TASP1: variants seen among roughly 807,000 people sequenced by gnomAD.
TASP1 encodes the protein threonine aspartase 1.
Under a neutral mutation model 56.6 loss-of-function variants are expected in TASP1, and 16 were observed. That is an observed-to-expected ratio of 0.28 (90% confidence interval 0.19 to 0.43). The LOEUF is 0.43. Ranked by LOEUF, TASP1 falls within the 20% of genes least tolerant of loss-of-function variation. TASP1 has a pLI of 1.00. For missense variants in TASP1, 393 were observed against 511.6 expected (o/e 0.77, Z 2.24); for synonymous variants, 179 against 184.2 (o/e 0.97, Z 0.23).
chr20:13,575,668 G>C (rs972123381), intron 6 of TASP1, among the ~76,000 whole-genome samples: 1 of 152,046 alleles, frequency 6.6e-6, no homozygotes, highest in Admixed American at 6.6e-5. Flanking sequence ...GAAAAGAAAG[G>C]AACTTTCTCA....
At chr20:13,594,959 T>G (rs1283877547) in intron 4 of TASP1, among the ~76,000 whole-genome samples, 18 of 152,022 alleles carry the variant, frequency 1.2e-4, no homozygotes, top group Admixed American at 1.1e-3. Flanking sequence ...GGAAAAAATG[T>G]TAAGGGCAGC....
intron 8 of TASP1, among the ~76,000 whole-genome samples, chr20:13,552,609 T>G (rs2046016444): frequency 6.6e-6 from 1 of 151,954 alleles, no homozygotes; most frequent in African/African-American, 2.4e-5. Context: ...TGGCAAAAAT[T>G]TCACACTAAA....
intron 8 of TASP1, among the ~76,000 whole-genome samples, chr20:13,542,834 G>C (rs2045672178): frequency 6.6e-6 from 1 of 151,880 alleles, no homozygotes; most frequent in Admixed American, 6.6e-5. Flanking sequence ...GTAGTACTAA[G>C]AGGGAAATTT....
At chr20:13,464,065 T>C (rs1422512986) in intron 11 of TASP1, among the ~76,000 whole-genome samples, 1 of 152,194 alleles carries the variant, frequency 6.6e-6, no homozygotes, top group Non-Finnish European at 1.5e-5. Flanking sequence ...AATTGCAGCA[T>C]TATTCACAAC....
intron 11 of TASP1, among the ~76,000 whole-genome samples, chr20:13,472,459 G>A (rs1003437758): frequency 4.6e-5 from 7 of 150,936 alleles, no homozygotes; most frequent in African/African-American, 7.4e-5. Context: ...AAAAGCAATC[G>A]CAACAAAAGC....
chr20:13,559,038 T>A lies in TASP1; in HGVS notation c.645A>T (p.Gln215His), dbSNP rs770972601. The change falls in exon 8 of 14, where the codon CAA becomes CAT. Residue 215 changes from glutamine to histidine, a missense_variant. Physicochemically the swap from Gln to His is conservative, Grantham distance 24. Coordinates refer to ENST00000337743, the MANE Select transcript of TASP1 (RefSeq NM_017714.3). ...LAERVDTDFM[Q>H]LKKRRQSSEK... ...CACTTGATTGTCTTCTTTTCTTTAG[T>A]TGCATAAAATCTGTGTCCACCCTTT... is the stretch of plus-strand genomic sequence containing the variant. 106 of 1,596,202 alleles carry A rather than the reference T, an allele frequency of 6.6e-5. No individual in the cohort carries two copies. The East Asian group carries it at 2.3e-3, about 35-fold the overall frequency.
the TASP1 span, among the ~76,000 whole-genome samples, chr20:13,254,120 C>G: frequency 0.15 from 22,934 of 150,224 alleles, 1,795 homozygotes; most frequent in East Asian, 0.24. Flanking sequence ...GTAATCCCAG[C>G]TACTTGGGAG....
chr20:13,598,164 C>A (rs1189781526), intron 4 of TASP1, among the ~76,000 whole-genome samples: 1 of 152,068 alleles, frequency 6.6e-6, no homozygotes, highest in Non-Finnish European at 1.5e-5. Flanking sequence ...ACTTTCTTTA[C>A]AGAATTGGAA....
At chr20:13,417,740 T>C (rs941322304) in intron 12 of TASP1, among the ~76,000 whole-genome samples, 1 of 152,240 alleles carries the variant, frequency 6.6e-6, no homozygotes, top group African/African-American at 2.4e-5. Flanking sequence ...TCAAAAGTTA[T>C]GATTATTACA....
At chr20:13,223,582 A>G in the TASP1 span, among the ~76,000 whole-genome samples, 1 of 152,238 alleles carries the variant, frequency 6.6e-6, no homozygotes, top group Non-Finnish European at 1.5e-5. Flanking sequence ...ATTACAAAAC[A>G]GTAGAAAAGT....
the TASP1 span, among the ~76,000 whole-genome samples, chr20:13,230,599 T>TA: frequency 1.3e-5 from 2 of 152,136 alleles, no homozygotes; most frequent in Non-Finnish European, 2.9e-5. Flanking sequence ...TGAAGCCCCT[T>TA]AGGTCCTCAA....
intron 6 of TASP1, among the ~76,000 whole-genome samples, chr20:13,572,906 G>C (rs1047920789): frequency 3.9e-5 from 6 of 152,186 alleles, no homozygotes; most frequent in African/African-American, 7.2e-5. Context: ...TAGTGGTTCA[G>C]AAAGCGCTCA....
the TASP1 span, among the ~76,000 whole-genome samples, chr20:13,232,988 T>C: frequency 6.6e-6 from 1 of 151,296 alleles, no homozygotes; most frequent in African/African-American, 2.4e-5. Context: ...GTGACCATCA[T>C]GGTGGGGGTT....
intron 11 of TASP1, among the ~76,000 whole-genome samples, chr20:13,480,496 T>C (rs1395927464): frequency 6.6e-6 from 1 of 152,240 alleles, no homozygotes; most frequent in Non-Finnish European, 1.5e-5. Flanking sequence ...CTCAGACATT[T>C]CTTGCTCCTT....
the TASP1 span, among the ~76,000 whole-genome samples, chr20:13,156,105 G>C: frequency 6.6e-6 from 1 of 152,132 alleles, no homozygotes; most frequent in African/African-American, 2.4e-5. Context: ...TATTCAAAAT[G>C]ATTGGGGAAA....
chr20:13,212,012 C>T, the TASP1 span, among the ~76,000 whole-genome samples: 3 of 152,160 alleles, frequency 2.0e-5, no homozygotes, highest in Non-Finnish European at 2.9e-5. Context: ...GATCTTCATT[C>T]ATACTAATGA....
intron 12 of TASP1, among the ~76,000 whole-genome samples, chr20:13,417,944 C>T (rs1424739317): frequency 6.6e-6 from 1 of 152,186 alleles, no homozygotes; most frequent in Non-Finnish European, 1.5e-5. Flanking sequence ...CGGAGTTTCA[C>T]TCTTGTTGTC....
the TASP1 span, among the ~76,000 whole-genome samples, chr20:13,146,803 G>A: frequency 1.1e-4 from 17 of 152,158 alleles, no homozygotes; most frequent in Admixed American, 5.2e-4. Flanking sequence ...ATAACTCCGT[G>A]AATGATGGAA....
chr20:13,625,952 C>A (rs1305529311), intron 2 of TASP1, among the ~76,000 whole-genome samples: 4 of 152,184 alleles, frequency 2.6e-5, no homozygotes, highest in African/African-American at 9.7e-5. Flanking sequence ...TACAAGGATA[C>A]ATAACTTGCT....
Sources: gnomAD v4.1 joint callset for allele counts (sites outside exome capture counted in the v4.1 genomes callset) on GRCh38, gnomAD v4.1.1 for gene constraint, MANE v1.5 for transcripts, NCBI Gene and HGNC (gene_info 2026-07-23, HGNC 2026-07-21) for gene names.